DPYD: variants seen among roughly 807,000 people sequenced by gnomAD.
The protein encoded by DPYD is dihydropyrimidine dehydrogenase [NADP(+)].
A neutral mutation model predicts 116.2 loss-of-function variants in DPYD; 109 were observed. That is an observed-to-expected ratio of 0.94 (90% confidence interval 0.80 to 1.10). DPYD has a LOEUF of 1.10. DPYD is among the 50% of genes least tolerant of loss of function. DPYD has a pLI of 0.00. For missense variants in DPYD, 1,302 were observed against 1,254.5 expected, an observed-to-expected ratio of 1.04 and a Z score of -0.57; for synonymous variants, 440 against 432.0, an observed-to-expected ratio of 1.02 and a Z score of -0.23.
intron 22 of DPYD, among the ~76,000 whole-genome samples, chr1:97,080,155 C>T (rs1423352635): frequency 4.0e-5 from 6 of 150,782 alleles, no homozygotes. Context: ...GTCTCACTTG[C>T]AAAAAAAATA....
chr1:97,810,143 C>T (rs1021933486), intron 3 of DPYD, among the ~76,000 whole-genome samples: 4 of 151,436 alleles, frequency 2.6e-5, no homozygotes, highest in Non-Finnish European at 4.4e-5. Flanking sequence ...AAAAATTAGC[C>T]GGGTGTGGTG....
intron 21 of DPYD, among the ~76,000 whole-genome samples, chr1:97,097,978 A>C (rs1206619579): frequency 6.6e-6 from 1 of 152,184 alleles, no homozygotes; most frequent in Non-Finnish European, 1.5e-5. Flanking sequence ...ACACATACTC[A>C]TAATTCTATC....
At chr1:97,920,818 G>C (rs540799552) in intron 1 of DPYD, 66 bp downstream of exon 1, 3 of 1,550,892 alleles carry the variant, frequency 1.9e-6, no homozygotes, top group East Asian at 4.9e-5. Flanking sequence ...GGGCCTCCCC[G>C]GCACCTACCC....
intron 3 of DPYD, among the ~76,000 whole-genome samples, chr1:97,743,575 G>C (rs4970716): frequency 6.6e-6 from 1 of 152,050 alleles, no homozygotes; most frequent in African/African-American, 2.4e-5. Context: ...ATATTACAGA[G>C]TGCATTTACT....
chr1:97,587,573 C>A (rs1403343552), intron 10 of DPYD, among the ~76,000 whole-genome samples: 1 of 152,218 alleles, frequency 6.6e-6, no homozygotes, highest in African/African-American at 2.4e-5. Flanking sequence ...CACCGGTAAT[C>A]CCCGCACTTT....
chr1:97,546,897 G>A lies in DPYD; in HGVS notation c.1524+2663C>T. 12 of 1,609,448 alleles carry A rather than the reference G, an allele frequency of 7.5e-6. No homozygotes were observed. In the South Asian group the frequency reaches 1.3e-4, roughly 18 times the overall value. On this transcript the variant is annotated intron_variant, in intron 12 of 22. Coordinates refer to ENST00000370192, the MANE Select transcript of DPYD (RefSeq NM_000110.4). The stretch of plus-strand genomic sequence containing the variant: ...CAGCAATAGAGGGGGATGAAGACCA[G>A]GAGGACAGTGAGGGCTTTGAAGATA...
intron 3 of DPYD, 119 bp downstream of exon 3, chr1:97,827,995 A>C: frequency 9.9e-7 from 1 of 1,008,058 alleles, no homozygotes; most frequent in Non-Finnish European, 1.5e-6. Context: ...CCACTGACAA[A>C]TTAATACCTT....
chr1:97,098,516 G>C lies in DPYD; in HGVS notation c.2739C>G (p.Ile913Met). 8 of 1,612,964 alleles carry C rather than the reference G, an allele frequency of 5.0e-6. No homozygotes were observed. Among genetic ancestry groups the C allele is most frequent in the Non-Finnish European group, 6.8e-6 (8 of 1,179,350 alleles). Residue 913 changes from isoleucine (I) to methionine (M), a missense_variant, in exon 21 of 23, where the codon ATC (isoleucine) becomes ATG (methionine). Transcript: ENST00000370192. ...TGATGGTAGGAATAGGCCTTTTGGG[G>C]ATAAAACAGTTTCTCTTAAGTGGTG... Reference protein sequence around the residue: ...AFSPLKRNCFIPKRPIPTIKD... With the variant: ...AFSPLKRNCFMPKRPIPTIKD...
At chr1:97,701,848 C>A (rs1427493232) in intron 5 of DPYD, among the ~76,000 whole-genome samples, 1 of 151,752 alleles carries the variant, frequency 6.6e-6, no homozygotes, top group African/African-American at 2.4e-5. Flanking sequence ...TGTTTCCTCT[C>A]TTAGACCATA....
chr1:97,373,676 G>T (rs752747341), intron 15 of DPYD, 32 bp from the exon 16 acceptor site: 5 of 1,591,186 alleles, frequency 3.1e-6, no homozygotes, highest in Non-Finnish European at 4.3e-6. Context: ...GAAAGAAAAG[G>T]CAAAGCTTTA....
intron 20 of DPYD, among the ~76,000 whole-genome samples, chr1:97,108,926 A>AAT (rs1317657055): frequency 6.6e-6 from 1 of 152,162 alleles, no homozygotes; most frequent in East Asian, 1.9e-4. Context: ...GGTACATATT[A>AAT]GAGTTTTAGG....
intron 8 of DPYD, among the ~76,000 whole-genome samples, chr1:97,633,215 G>C (rs1267686574): frequency 2.0e-5 from 3 of 152,146 alleles, no homozygotes; most frequent in East Asian, 1.9e-4. Flanking sequence ...TATTCAATAA[G>C]AAAGAAAAAG....
At chr1:97,484,545 G>A (rs532584837) in intron 13 of DPYD, among the ~76,000 whole-genome samples, 2 of 152,058 alleles carry the variant, frequency 1.3e-5, no homozygotes, top group African/African-American at 4.8e-5. Context: ...TCATTTCTGG[G>A]GACATCTTCT....
At position 97,430,460 on chromosome 1, in the gene DPYD, A is replaced by G. The variant is rs563109752; in HGVS notation, c.1905+19599T>C. Among the ~76,000 whole-genome samples, 6 of 152,258 alleles carry G rather than the reference A, an allele frequency of 3.9e-5. No homozygotes were observed. The South Asian group carries it at 1.2e-3, about 32-fold the overall frequency. On this transcript the variant is annotated intron_variant, in intron 14 of 22. Transcript: ENST00000370192. ...AAAAAACAGAAACATTTTATGGCAT[A>G]TGTCCTTTATTTATAAGACTGATTT... is the stretch of plus-strand genomic sequence containing the variant.
chr1:97,149,013 C>T (rs972345329), intron 20 of DPYD, among the ~76,000 whole-genome samples: 7 of 152,142 alleles, frequency 4.6e-5, no homozygotes, highest in South Asian at 2.1e-4. Context: ...AAATGTTTCA[C>T]GCCCTTTGGA....
chr1:97,371,394 G>A (rs935408805), intron 16 of DPYD, among the ~76,000 whole-genome samples: 2 of 152,108 alleles, frequency 1.3e-5, no homozygotes, highest in Non-Finnish European at 2.9e-5. Context: ...CATAGCAATG[G>A]GGAAGAGGGA....
chr1:97,194,251 AT>A (rs1658590463), intron 19 of DPYD, among the ~76,000 whole-genome samples: 1 of 152,142 alleles, frequency 6.6e-6, no homozygotes, highest in African/African-American at 2.4e-5. Flanking sequence ...GGGTAACTGA[AT>A]CATGGGGATG....
chr1:97,905,682 TC>T (rs1673580397), intron 1 of DPYD, among the ~76,000 whole-genome samples: 1 of 152,036 alleles, frequency 6.6e-6, no homozygotes, highest in Non-Finnish European at 1.5e-5. Flanking sequence ...TAGACGCCAT[TC>T]ATACCTTGCT....
intron 8 of DPYD, among the ~76,000 whole-genome samples, chr1:97,635,705 T>G (rs1188463507): frequency 6.6e-6 from 1 of 152,090 alleles, no homozygotes; most frequent in Non-Finnish European, 1.5e-5. Context: ...GTCAAACAAT[T>G]TAAAAGGAAA....
Sources: allele counts gnomAD v4.1 joint callset (sites outside exome capture counted in the v4.1 genomes callset), GRCh38; gene constraint gnomAD v4.1.1; transcripts MANE v1.5; gene names NCBI Gene and HGNC (gene_info 2026-07-23, HGNC 2026-07-21).